Variants in DLEU7 observed in about 807,000 individuals in gnomAD.
DLEU7 encodes the protein leukemia-associated protein 7.
A neutral mutation model predicts 16.0 loss-of-function variants in DLEU7; 17 were observed. The observed-to-expected ratio is 1.06, with a 90% CI of 0.73 to 1.59. DLEU7 has a LOEUF of 1.59. Among genes scored for constraint, DLEU7 ranks in the 40% most tolerant of loss-of-function variants. DLEU7 has a pLI of 0.00. For synonymous variants in DLEU7, 113 were observed against 139.8 expected (o/e 0.81, Z 1.35); for missense variants, 308 against 314.9 (o/e 0.98, Z 0.17).
At chr13:50,816,215 C>A (rs1876730228) in intron 1 of DLEU7, among the ~76,000 whole-genome samples, 1 of 151,292 alleles carries the variant, frequency 6.6e-6, no homozygotes, top group African/African-American at 2.5e-5. Flanking sequence ...ACTTTTATCT[C>A]ATTCTCTCCC....
Position 50,836,372 on chromosome 13 carries a change from G to GA in DLEU7, c.459+6815dup, listed in dbSNP as rs1159159707. On this transcript the variant is annotated intron_variant, in intron 1 of 1. Transcript: ENST00000504404. ...GGAGAGGAGGAGAAGAAGAAAGAGA[G>GA]AAAAAGGAAAGAAAAAAAGAGGCCG... Among the ~76,000 whole-genome samples the GA allele has an allele frequency of 4.1e-5, 4 of 98,692 alleles. No homozygotes were observed. In the East Asian group the frequency reaches 1.1e-3, roughly 27 times the overall value. 64.7% of individuals were successfully genotyped at this position (98,692 alleles called of 152,430 possible).
chr13:50,770,116 G>T (rs961006830), intron 1 of DLEU7, among the ~76,000 whole-genome samples: 2 of 152,154 alleles, frequency 1.3e-5, no homozygotes, highest in Non-Finnish European at 2.9e-5. Flanking sequence ...TTTGCCCATT[G>T]ATTTTGTATC....
chr13:50,728,834 GTCA>G (rs1873835872), intron 1 of DLEU7, among the ~76,000 whole-genome samples: 1 of 151,900 alleles, frequency 6.6e-6, no homozygotes, highest in Non-Finnish European at 1.5e-5. Context: ...TAAAAATTAT[GTCA>G]TCATGTCACC....
chr13:50,771,707 G>A (rs1337756938), intron 1 of DLEU7, among the ~76,000 whole-genome samples: 1 of 152,206 alleles, frequency 6.6e-6, no homozygotes, highest in East Asian at 1.9e-4. Context: ...TTTGGAATAA[G>A]TCTGATGTGG....
At chr13:50,787,448 T>C (rs1447293873) in intron 1 of DLEU7, among the ~76,000 whole-genome samples, 1 of 152,104 alleles carries the variant, frequency 6.6e-6, no homozygotes, top group Admixed American at 6.5e-5. Context: ...AACACCAGCA[T>C]GTGTTGGGGG....
downstream of DLEU7, among the ~76,000 whole-genome samples, chr13:50,820,376 T>A (rs1013783155): frequency 2.0e-5 from 3 of 151,922 alleles, no homozygotes; most frequent in African/African-American, 7.3e-5. Context: ...GCTGACTCAA[T>A]GATATTATGA....
exon 2 of DLEU7, chr13:50,712,888 T>C: frequency 3.4e-6 from 1 of 298,156 alleles, no homozygotes. Context: ...GGGATAATTT[T>C]CCTGAAGAGC....
At chr13:50,803,496 G>T (rs1876303324) in intron 1 of DLEU7, among the ~76,000 whole-genome samples, 1 of 151,976 alleles carries the variant, frequency 6.6e-6, no homozygotes, top group East Asian at 1.9e-4. Context: ...AGCCCCATGT[G>T]GCTCTTGAAC....
intron 1 of DLEU7, among the ~76,000 whole-genome samples, chr13:50,775,831 TG>T (rs1218691434): frequency 2.0e-5 from 3 of 152,262 alleles, no homozygotes; most frequent in African/African-American, 7.2e-5. Context: ...ATTTTCACTT[TG>T]CCATTAGTCT....
intron 1 of DLEU7, among the ~76,000 whole-genome samples, chr13:50,715,772 A>G (rs1032722717): frequency 6.6e-6 from 1 of 152,232 alleles, no homozygotes; most frequent in Admixed American, 6.5e-5. Flanking sequence ...CGGCCTTCAG[A>G]CAACGTCTAT....
At chr13:50,791,019 G>A (rs1400178323) in intron 1 of DLEU7, among the ~76,000 whole-genome samples, 1 of 152,194 alleles carries the variant, frequency 6.6e-6, no homozygotes, top group African/African-American at 2.4e-5. Flanking sequence ...ACGGTGGCTT[G>A]TAAGAAGACC....
chr13:50,746,199 A>G (rs1874389667), intron 1 of DLEU7, among the ~76,000 whole-genome samples: 1 of 152,250 alleles, frequency 6.6e-6, no homozygotes, highest in South Asian at 2.1e-4. Flanking sequence ...TTGTTAAAAC[A>G]AACAAATACA....
intron 1 of DLEU7, among the ~76,000 whole-genome samples, chr13:50,834,321 A>G (rs1404320554): frequency 6.6e-6 from 1 of 152,176 alleles, no homozygotes; most frequent in Non-Finnish European, 1.5e-5. Flanking sequence ...CACAATCTAC[A>G]AGGAACTTAA....
At chr13:50,790,228 C>T (rs891940281) in intron 1 of DLEU7, among the ~76,000 whole-genome samples, 2 of 152,092 alleles carry the variant, frequency 1.3e-5, no homozygotes, top group African/African-American at 4.8e-5. Flanking sequence ...CCACCACACC[C>T]GGCCTCCCAG....
At chr13:50,821,509 A>T (rs1014622781), downstream of DLEU7, among the ~76,000 whole-genome samples, 1 of 152,150 alleles carries the variant, frequency 6.6e-6, no homozygotes, top group Non-Finnish European at 1.5e-5. Flanking sequence ...TGTGATAAAC[A>T]CCAGAAAAGT....
chr13:50,839,227 C>G (rs1475804368), intron 1 of DLEU7, among the ~76,000 whole-genome samples: 1 of 152,240 alleles, frequency 6.6e-6, no homozygotes, highest in East Asian at 1.9e-4. Context: ...CACTTCTTAG[C>G]TGCAGGGTCT....
intron 1 of DLEU7, among the ~76,000 whole-genome samples, chr13:50,826,329 A>G (rs1877086392): frequency 6.6e-6 from 1 of 152,188 alleles, no homozygotes; most frequent in Non-Finnish European, 1.5e-5. Context: ...ATATAGAAGA[A>G]GAAATCAGAA....
intron 1 of DLEU7, among the ~76,000 whole-genome samples, chr13:50,745,937 A>C (rs1593538559): frequency 6.6e-6 from 1 of 152,326 alleles, no homozygotes; most frequent in South Asian, 2.1e-4. Context: ...GGAAACTGAA[A>C]CAATTTAATA....
chr13:50,767,410 C>G (rs529157437), intron 1 of DLEU7, among the ~76,000 whole-genome samples: 1 of 142,518 alleles, frequency 7.0e-6, no homozygotes, highest in African/African-American at 2.6e-5. Context: ...GAGCCGAGAT[C>G]GCGCCACTGC....
Sources: allele counts gnomAD v4.1 joint callset (sites outside exome capture counted in the v4.1 genomes callset), GRCh38; gene constraint gnomAD v4.1.1; transcripts MANE v1.5; gene names NCBI Gene and HGNC (gene_info 2026-07-23, HGNC 2026-07-21).